OMA1: variants seen among roughly 807,000 people sequenced by gnomAD.
OMA1 encodes OMA1 zinc metallopeptidase.
In OMA1, 38 loss-of-function variants were observed where a neutral mutation model predicts 30.9. The ratio of observed to expected loss-of-function variants is 1.23; its 90% CI spans 0.95 to 1.61. The LOEUF (loss-of-function observed/expected upper bound fraction) is 1.61, where lower values mean the gene tolerates loss of function less well. OMA1 is among the 40% of genes most tolerant of loss of function. OMA1 has a pLI of 0.00. For synonymous variants in OMA1, 173 were observed against 121.9 expected, an observed-to-expected ratio of 1.42 and a Z score of -2.76; for missense variants, 461 against 349.2, an observed-to-expected ratio of 1.32 and a Z score of -2.55.
intron 8 of OMA1, among the ~76,000 whole-genome samples, chr1:58,493,536 A>T (rs1645738471): frequency 6.6e-6 from 1 of 151,436 alleles, no homozygotes; most frequent in African/African-American, 2.4e-5. Flanking sequence ...TCAGCCCAAA[A>T]TCTCCTTAAG....
At chr1:58,509,040 G>A (rs1454262162) in intron 7 of OMA1, among the ~76,000 whole-genome samples, 4 of 152,126 alleles carry the variant, frequency 2.6e-5, no homozygotes, top group Non-Finnish European at 4.4e-5. Flanking sequence ...AGGTTTGAGA[G>A]GTTCTGGGAA....
chr1:58,499,509 A>ATAGATAGATAGATAAATAG (rs776144705), intron 8 of OMA1, among the ~76,000 whole-genome samples: 24 of 42,898 alleles, frequency 5.6e-4, no homozygotes, highest in African/African-American at 1.7e-3. Flanking sequence ...TAGATAGATA[A>ATAGATAGATAGATAAATAG]ATAGATAGAT....
rs1244481009 is a variant in OMA1 at position 58,536,599 on chromosome 1, C to A, written c.643G>T (p.Glu215Ter). 2.3e-6 allele frequency: 2 copies of A among 872,810 alleles called. No homozygotes were observed. Among genetic ancestry groups the A allele is most frequent in the South Asian group, 2.6e-5 (2 of 76,542 alleles). The allele number at this position is 872,810 out of a possible 1,614,324, so 54.1% of individuals were successfully genotyped here. Residue 215 changes from glutamate to a stop codon, truncating the protein, a stop_gained, in exon 3 of 9, where the codon GAA (glutamate) becomes TAA (stop). Transcript: ENST00000371226. LOFTEE classifies it high-confidence loss of function. ...CTCCTTCCTGTGATTGGACTTACTTCCAGGTGAGTAAAATAAAACACCACA... is the reference window on the plus strand; with the variant it reads ...CTCCTTCCTGTGATTGGACTTACTTACAGGTGAGTAAAATAAAACACCACA... ...LFVVFYFTHL[E>*]VSPITGRSKL...
chr1:58,506,076 T>C lies in OMA1; in HGVS notation c.1349A>G (p.Asp450Gly). Residue 450 changes from aspartate to glycine, a missense_variant, in exon 8 of 9, where the codon GAT (aspartate) becomes GGT (glycine). By Grantham distance (94) the Asp-to-Gly change is moderately conservative (BLOSUM62 -1). Coordinates refer to ENST00000371226, the MANE Select transcript of OMA1 (RefSeq NM_145243.5). ...TCAGCTCACCTGAGGTATAAGTCTA[T>C]CCAAGTACTCAACTCGATTGCCATG... is the stretch of plus-strand genomic sequence containing the variant. ...PSHGNRVEYLDRLIPQALKIR... is the reference protein window; with the variant it reads ...PSHGNRVEYLGRLIPQALKIR... The C allele has an allele frequency of 3.4e-6, 3 of 871,364 alleles. No individual in the cohort carries two copies. In the South Asian group the frequency reaches 3.9e-5, roughly 11 times the overall value. The allele number at this position is 871,364 out of a possible 1,614,324, so 54.0% of individuals were successfully genotyped here. A position where few individuals can be genotyped will look rare whatever the true frequency, so the allele number is the denominator to read the frequency against.
intron 8 of OMA1, among the ~76,000 whole-genome samples, chr1:58,490,868 C>T (rs1444624389): frequency 2.3e-5 from 3 of 130,944 alleles, no homozygotes; most frequent in Admixed American, 9.2e-5. Flanking sequence ...TGCAGTGGCG[C>T]GATCTCGGCT....
chr1:58,522,854 T>C (rs892082440), intron 7 of OMA1, among the ~76,000 whole-genome samples: 2 of 152,202 alleles, frequency 1.3e-5, no homozygotes, highest in African/African-American at 4.8e-5. Flanking sequence ...TGGATCATCA[T>C]AAATGTCTCC....
At chr1:58,512,068 C>G (rs534709892) in intron 7 of OMA1, among the ~76,000 whole-genome samples, 9 of 152,020 alleles carry the variant, frequency 5.9e-5, no homozygotes, top group African/African-American at 2.2e-4. Flanking sequence ...GCAAAAAACC[C>G]AATTTAAAAA....
intron 1 of OMA1, among the ~76,000 whole-genome samples, chr1:58,541,293 C>CAAAAAAAAAAAA (rs71043292): frequency 7.3e-5 from 2 of 27,572 alleles, no homozygotes; most frequent in Non-Finnish European, 1.4e-4. Context: ...GACTCTGTCT[C>CAAAAAAAAAAAA]AAAAAAAAAA....
intron 8 of OMA1, among the ~76,000 whole-genome samples, chr1:58,505,089 A>T (rs1440919626): frequency 6.6e-6 from 1 of 152,106 alleles, no homozygotes; most frequent in African/African-American, 2.4e-5. Flanking sequence ...AGTAGCTGGG[A>T]TTACAGGCGC....
intron 8 of OMA1, among the ~76,000 whole-genome samples, chr1:58,492,254 C>T (rs1645709166): frequency 6.6e-6 from 1 of 152,088 alleles, no homozygotes; most frequent in Non-Finnish European, 1.5e-5. Flanking sequence ...CTCTGAGACA[C>T]ATTCAAAGCA....
chr1:58,518,665 C>G (rs1017542483), intron 7 of OMA1, among the ~76,000 whole-genome samples: 9 of 151,130 alleles, frequency 6.0e-5, no homozygotes, highest in African/African-American at 2.2e-4. Context: ...GGTTTTTTTT[C>G]CAAAAGCAAC....
At position 58,543,108 on chromosome 1, in the gene OMA1, T is replaced by G. The variant is rs556518461; in HGVS notation, c.-17+3595A>C. ...GAGAATAAGACCTCCCTGATTCCCATGAAACCATTGTACTTCCTACACTTA... is the reference window on the plus strand; with the variant it reads ...GAGAATAAGACCTCCCTGATTCCCAGGAAACCATTGTACTTCCTACACTTA... On this transcript the variant is annotated intron_variant, in intron 1 of 8. Coordinates refer to ENST00000371226, the MANE Select transcript of OMA1 (RefSeq NM_145243.5). Among the ~76,000 whole-genome samples, 25 of 152,298 alleles carry G rather than the reference T, an allele frequency of 1.6e-4. 1 individual carries two copies. Among genetic ancestry groups the G allele is most frequent in the African/African-American group, 4.8e-4 (20 of 41,564 alleles).
intron 8 of OMA1, among the ~76,000 whole-genome samples, chr1:58,492,542 G>A (rs1267925512): frequency 6.6e-6 from 1 of 152,080 alleles, no homozygotes; most frequent in African/African-American, 2.4e-5. Flanking sequence ...CAGGAAAAGA[G>A]AGAAGAATCA....
intron 2 of OMA1, among the ~76,000 whole-genome samples, chr1:58,538,533 T>C (rs1646553895): frequency 6.6e-6 from 1 of 152,204 alleles, no homozygotes; most frequent in Non-Finnish European, 1.5e-5. Context: ...AATAACTTTT[T>C]AAAGAGATAT....
In OMA1 at chr1:58,506,115, G is replaced by A. The variant is rs1489410566; in HGVS notation, c.1310C>T (p.Ser437Phe). 1.1e-6 allele frequency: 1 copy of A among 872,340 alleles called. No individual in the cohort carries two copies. Among genetic ancestry groups the A allele is most frequent in the South Asian group, 1.3e-5 (1 of 76,516 alleles). 54.0% of individuals were successfully genotyped at this position (872,340 alleles called of 1,614,324 possible). A position where few individuals can be genotyped will look rare whatever the true frequency, so the allele number is the denominator to read the frequency against. Residue 437 changes from serine to phenylalanine, a missense_variant, in exon 8 of 9, where the codon TCT (serine) becomes TTT (phenylalanine). Coordinates refer to ENST00000371226, the MANE Select transcript of OMA1 (RefSeq NM_145243.5). ...HGQPKMPEWL[S>F]THPSHGNRVE... ...TCGATTGCCATGAGAAGGGTGTGTA[G>A]ATAACCATTCTGGCATCTTGGGTTG...
chr1:58,515,040 CATT>C (rs540700835), intron 7 of OMA1, among the ~76,000 whole-genome samples: 160 of 152,310 alleles, frequency 1.1e-3, no homozygotes, highest in African/African-American at 3.7e-3. Flanking sequence ...CTACAATCAT[CATT>C]GTCATCATCT....
chr1:58,524,162 C>A (rs1333415290), intron 7 of OMA1, among the ~76,000 whole-genome samples: 1 of 152,218 alleles, frequency 6.6e-6, no homozygotes, highest in Non-Finnish European at 1.5e-5. Context: ...TGCCTTAAAT[C>A]TTGATGCTCA....
chr1:58,490,178 A>T (rs1039372678), intron 8 of OMA1, among the ~76,000 whole-genome samples: 4 of 152,218 alleles, frequency 2.6e-5, no homozygotes, highest in East Asian at 1.9e-4. Context: ...CATGGCAAAG[A>T]AGTTAAAAAT....
chr1:58,489,136 G>A (rs950882595), intron 8 of OMA1, among the ~76,000 whole-genome samples: 1 of 152,202 alleles, frequency 6.6e-6, no homozygotes, highest in Admixed American at 6.5e-5. Context: ...AGCCGAAGTA[G>A]GGCAAGGCAT....
Sources: allele counts gnomAD v4.1 joint callset (sites outside exome capture counted in the v4.1 genomes callset), GRCh38; gene constraint gnomAD v4.1.1; transcripts MANE v1.5; gene names NCBI Gene and HGNC (gene_info 2026-07-23, HGNC 2026-07-21).